Variants in TIAM1 observed in about 807,000 individuals in gnomAD.
TIAM1 encodes TIAM Rac1 associated GEF 1, also known as rho guanine nucleotide exchange factor TIAM1.
TIAM1 carries 65 observed loss-of-function variants against 163.5 expected under a neutral mutation model. The ratio of observed to expected loss-of-function variants is 0.40; its 90% CI spans 0.33 to 0.49. TIAM1 has a LOEUF of 0.49. TIAM1 is among the 20% of genes least tolerant of loss of function. The probability of loss-of-function intolerance (pLI) is 0.77; values close to 1 mark genes in which losing one functional copy is unlikely to be tolerated. For synonymous variants in TIAM1, 833 were observed against 810.1 expected (o/e 1.03, Z -0.48); for missense variants, 1,789 against 2,044.7 (o/e 0.87, Z 2.41).
In TIAM1 at chr21:31,266,648, TG is replaced by T; in HGVS notation, c.324del (p.Thr109LeufsTer4). The T allele has an allele frequency of 6.2e-7, 1 of 1,613,984 alleles. No homozygotes were observed. The highest frequency in any genetic ancestry group is 8.5e-7 in the Non-Finnish European group (1 of 1,180,016). ...ACGATGCTGCTGTCTACGCTGGGAG[TG>T]ACAGAAGAGTCAGTGTAAGACACAG... ...LRPVSYTDSS[V>X]TPSVDSSIVL... On this transcript the variant is annotated frameshift_variant, in exon 4 of 28. Transcript: ENST00000541036. LOFTEE classifies it high-confidence loss of function.
intron 1 of TIAM1, among the ~76,000 whole-genome samples, chr21:31,466,756 C>T (rs1323791075): frequency 1.3e-5 from 2 of 152,152 alleles, no homozygotes; most frequent in Non-Finnish European, 2.9e-5. Context: ...TCCATTTCTT[C>T]CCGCGTATAA....
At chr21:31,233,494 C>G (rs1277225727) in intron 6 of TIAM1, among the ~76,000 whole-genome samples, 2 of 152,132 alleles carry the variant, frequency 1.3e-5, no homozygotes, top group African/African-American at 4.8e-5. Flanking sequence ...CACTTGAGAT[C>G]AGGAGTTCAA....
chr21:31,311,168 T>G (rs964274210), intron 2 of TIAM1, among the ~76,000 whole-genome samples: 1 of 99,838 alleles, frequency 1.0e-5, no homozygotes, highest in African/African-American at 5.0e-5. Flanking sequence ...TGTTTGTTTG[T>G]TTTGTTTTTT....
intron 27 of TIAM1, chr21:31,123,854 T>G (rs1568864434): frequency 6.6e-6 from 1 of 152,234 alleles, no homozygotes; most frequent in African/African-American, 2.4e-5. Context: ...TTTATTTTAT[T>G]TCTCTATTGC....
At chr21:31,325,672 A>AAG (rs1208633529) in intron 2 of TIAM1, among the ~76,000 whole-genome samples, 1 of 151,956 alleles carries the variant, frequency 6.6e-6, no homozygotes, top group Non-Finnish European at 1.5e-5. Context: ...TGACTCAAAA[A>AAG]AAAAAAAAAA....
chr21:31,215,237 G>C (rs1162222418), intron 9 of TIAM1, among the ~76,000 whole-genome samples: 2 of 152,068 alleles, frequency 1.3e-5, no homozygotes, highest in African/African-American at 4.8e-5. Context: ...GAAGCAGTGG[G>C]CTGAGCCATC....
intron 2 of TIAM1, among the ~76,000 whole-genome samples, chr21:31,355,949 A>G (rs1046403496): frequency 2.6e-5 from 4 of 152,292 alleles, no homozygotes; most frequent in African/African-American, 4.8e-5. Context: ...AAGAGCAGGC[A>G]CTTTTATCCA....
At chr21:31,143,743 T>C (rs1270895880) in intron 20 of TIAM1, among the ~76,000 whole-genome samples, 1 of 151,774 alleles carries the variant, frequency 6.6e-6, no homozygotes, top group Non-Finnish European at 1.5e-5. Context: ...TTTTTTTTTT[T>C]CTGAGACGGA....
intron 2 of TIAM1, among the ~76,000 whole-genome samples, chr21:31,433,028 TG>T (rs2044096191): frequency 6.6e-6 from 1 of 152,210 alleles, no homozygotes; most frequent in Non-Finnish European, 1.5e-5. Context: ...TAAATGTATG[TG>T]GGTATGTCTT....
intron 2 of TIAM1, among the ~76,000 whole-genome samples, chr21:31,289,223 G>C (rs1332644602): frequency 2.0e-5 from 3 of 152,198 alleles, no homozygotes; most frequent in Non-Finnish European, 4.4e-5. Context: ...GACCAGCAAA[G>C]GATGAGAGTG....
intron 1 of TIAM1, among the ~76,000 whole-genome samples, chr21:31,514,615 C>G (rs1282595573): frequency 6.6e-6 from 1 of 151,988 alleles, no homozygotes; most frequent in African/African-American, 2.4e-5. Flanking sequence ...ATCGCTTAAA[C>G]CTGGGAGGTG....
intron 6 of TIAM1, among the ~76,000 whole-genome samples, chr21:31,231,141 G>C (rs76512494): frequency 7.3e-5 from 11 of 151,248 alleles, no homozygotes; most frequent in Non-Finnish European, 1.5e-4. Context: ...CAGAAGCACT[G>C]TGTCAAGATA....
At chr21:31,383,234 C>T (rs1231690826) in intron 2 of TIAM1, among the ~76,000 whole-genome samples, 1 of 151,562 alleles carries the variant, frequency 6.6e-6, no homozygotes, top group African/African-American at 2.4e-5. Flanking sequence ...AGCAAGACTC[C>T]CTCTCAAAAA....
chr21:31,215,818 C>T (rs1388928923), intron 9 of TIAM1, among the ~76,000 whole-genome samples: 2 of 152,134 alleles, frequency 1.3e-5, no homozygotes, highest in Non-Finnish European at 2.9e-5. Context: ...AGCATTTGCT[C>T]ATCTGCTCTC....
intron 1 of TIAM1, among the ~76,000 whole-genome samples, chr21:31,514,287 C>G (rs8134643): frequency 0.062 from 9,365 of 152,060 alleles, 757 homozygotes; most frequent in African/African-American, 0.18. Context: ...CAACCAATCT[C>G]GTTTAATGAG....
At chr21:31,169,693 A>G (rs1374819918) in intron 15 of TIAM1, among the ~76,000 whole-genome samples, 1 of 152,178 alleles carries the variant, frequency 6.6e-6, no homozygotes, top group Non-Finnish European at 1.5e-5. Context: ...CGAAAATGAT[A>G]AACAGCTGAT....
intron 23 of TIAM1, 120 bp from the exon 24 acceptor site, chr21:31,131,068 C>G: frequency 1.4e-6 from 1 of 727,010 alleles, no homozygotes. Flanking sequence ...TCCCAGTTAA[C>G]TGACTCCCAC....
Position 31,395,260 on chromosome 21 carries a change from G to A in TIAM1, c.-368-55838C>T, listed in dbSNP as rs1206727919. On this transcript the variant is annotated intron_variant, in intron 2 of 28. Coordinates refer to the TIAM1 transcript ENST00000286827. The surrounding 1 kb of genome is among the most constrained non-coding windows in gnomAD (Gnocchi z 7.5). ...CTCAAAAAAAAAAAAGAGGAGGTGG[G>A]GGGAGAACAAAACTAGTAATTGGAG... is the stretch of plus-strand genomic sequence containing the variant. Among the ~76,000 whole-genome samples, 1 of 151,884 alleles carries A rather than the reference G, an allele frequency of 6.6e-6. No individual in the cohort carries two copies. Among genetic ancestry groups the A allele is most frequent in the Non-Finnish European group, 1.5e-5 (1 of 67,938 alleles).
intron 2 of TIAM1, among the ~76,000 whole-genome samples, chr21:31,446,054 C>A (rs2044610746): frequency 6.6e-6 from 1 of 152,150 alleles, no homozygotes; most frequent in East Asian, 1.9e-4. Context: ...TATTCTCCTG[C>A]CTCAGCCTCC....
Sources: gnomAD v4.1 joint callset for allele counts (sites outside exome capture counted in the v4.1 genomes callset) on GRCh38, gnomAD v4.1.1 for gene constraint, Gnocchi (gnomAD v3.1) non-coding constraint, MANE v1.5 for transcripts, NCBI Gene and HGNC (gene_info 2026-07-23, HGNC 2026-07-21) for gene names.